The following DOCK3 variants were observed in gnomAD, a reference collection of about 807,000 sequenced individuals.
DOCK3 encodes the protein dedicator of cytokinesis 3, also known as dedicator of cytokinesis protein 3.
A neutral mutation model predicts 265.6 loss-of-function variants in DOCK3; 60 were observed. The ratio of observed to expected loss-of-function variants is 0.23; its 90% CI spans 0.18 to 0.28. DOCK3 has a LOEUF of 0.28. Ranked by LOEUF, DOCK3 falls within the 10% of genes least tolerant of loss-of-function variation. The pLI, the probability that DOCK3 is intolerant of heterozygous loss-of-function variation, is 1.00. For synonymous variants in DOCK3, 881 were observed against 938.0 expected (o/e 0.94, Z 1.11); for missense variants, 1,981 against 2,594.3 (o/e 0.76, Z 5.14).
At chr3:50,724,991 CAAAAA>C (rs34882214) in intron 1 of DOCK3, among the ~76,000 whole-genome samples, 1 of 139,780 alleles carries the variant, frequency 7.2e-6, no homozygotes. Flanking sequence ...GATTCTGTCT[CAAAAA>C]AAAAAAAAAA....
At chr3:51,138,169 A>C (rs574404217) in intron 9 of DOCK3, among the ~76,000 whole-genome samples, 1 of 152,224 alleles carries the variant, frequency 6.6e-6, no homozygotes, top group Non-Finnish European at 1.5e-5. Flanking sequence ...GTTCAATACA[A>C]TATTTCCCAA....
chr3:50,742,364 G>C (rs1360011804), intron 1 of DOCK3, among the ~76,000 whole-genome samples: 1 of 152,208 alleles, frequency 6.6e-6, no homozygotes, highest in Non-Finnish European at 1.5e-5. Context: ...TTGACGAGTT[G>C]AGAGAAGAAG....
At chr3:51,081,644 C>G (rs1049708498) in intron 7 of DOCK3, among the ~76,000 whole-genome samples, 1 of 151,954 alleles carries the variant, frequency 6.6e-6, no homozygotes, top group Non-Finnish European at 1.5e-5. Context: ...GCCTGTAATC[C>G]CAGCACTTTG....
rs1358409183 is a variant in DOCK3 at position 51,357,056 on chromosome 3, T to A, written c.4598T>A (p.Val1533Glu). The change falls in exon 44 of 53, where the codon GTG becomes GAG. Residue 1533 changes from valine to glutamate, a missense_variant. Val to Glu is a moderately radical substitution (Grantham distance 121). Coordinates refer to ENST00000266037, the MANE Select transcript of DOCK3 (RefSeq NM_004947.5). ...ATCAGCCAGTATCAACACAAGCAGG[T>A]GCATGGCAACATTAACCTGCTAAGC... ...SLISQYQHKQ[V>E]HGNINLLSMC... is the part of the protein sequence containing the mutation. The A allele has an allele frequency of 1.2e-6, 2 of 1,613,302 alleles. No homozygotes were observed. Among genetic ancestry groups the A allele is most frequent in the South Asian group, 1.1e-5 (1 of 91,042 alleles).
At chr3:51,068,809 T>G (rs1482726916) in intron 6 of DOCK3, among the ~76,000 whole-genome samples, 1 of 152,142 alleles carries the variant, frequency 6.6e-6, no homozygotes, top group Non-Finnish European at 1.5e-5. Context: ...ATTTGATCTT[T>G]GTTCTGTTCT....
chr3:51,258,353 G>A (rs371306156), intron 22 of DOCK3, among the ~76,000 whole-genome samples: 4 of 152,094 alleles, frequency 2.6e-5, no homozygotes, highest in African/African-American at 4.8e-5. Context: ...CGTAATTGCC[G>A]ATCCTTCCTG....
intron 3 of DOCK3, among the ~76,000 whole-genome samples, chr3:50,857,444 A>G (rs1417326278): frequency 2.6e-5 from 4 of 152,134 alleles, no homozygotes; most frequent in Non-Finnish European, 5.9e-5. Flanking sequence ...GTTTGTGCAC[A>G]GAAACTAAAG....
intron 12 of DOCK3, among the ~76,000 whole-genome samples, chr3:51,181,514 T>C (rs1031611067): frequency 6.6e-6 from 1 of 152,026 alleles, no homozygotes; most frequent in Admixed American, 6.6e-5. Context: ...ATATGAGAAA[T>C]AGTTGAAATT....
intron 2 of DOCK3, among the ~76,000 whole-genome samples, chr3:50,810,933 G>C (rs545678132): frequency 1.3e-5 from 2 of 152,256 alleles, no homozygotes; most frequent in African/African-American, 4.8e-5. Flanking sequence ...TCATTGTACT[G>C]TATGTTCATG....
At chr3:51,122,347 G>T (rs1402203001) in intron 9 of DOCK3, among the ~76,000 whole-genome samples, 2 of 152,160 alleles carry the variant, frequency 1.3e-5, no homozygotes, top group Admixed American at 1.3e-4. Context: ...AGGTATGGTG[G>T]TGTGCACCTG....
chr3:50,936,683 T>G (rs2051381359), intron 5 of DOCK3, among the ~76,000 whole-genome samples: 1 of 152,108 alleles, frequency 6.6e-6, no homozygotes, highest in Non-Finnish European at 1.5e-5. Flanking sequence ...ACAAAACAGA[T>G]TACCCTGAAT....
intron 19 of DOCK3, among the ~76,000 whole-genome samples, chr3:51,233,660 C>T (rs1018852752): frequency 1.3e-5 from 2 of 152,164 alleles, no homozygotes; most frequent in African/African-American, 2.4e-5. Context: ...TGAGCCACCA[C>T]GCCCATCCTC....
intron 1 of DOCK3, among the ~76,000 whole-genome samples, chr3:50,725,139 A>G (rs1272303155): frequency 6.6e-6 from 1 of 152,234 alleles, no homozygotes; most frequent in East Asian, 1.9e-4. Flanking sequence ...CAGAGATAAA[A>G]GGCATCTTAT....
intron 7 of DOCK3, among the ~76,000 whole-genome samples, chr3:51,082,956 G>A (rs1290951530): frequency 6.6e-6 from 1 of 152,114 alleles, no homozygotes; most frequent in Non-Finnish European, 1.5e-5. Context: ...TACTGCCATT[G>A]CCAGTGCCAT....
At chr3:50,819,109 T>C (rs1389107685) in intron 2 of DOCK3, among the ~76,000 whole-genome samples, 1 of 152,242 alleles carries the variant, frequency 6.6e-6, no homozygotes, top group Non-Finnish European at 1.5e-5. Flanking sequence ...TATAGCTCCC[T>C]GAAGCCATCT....
At chr3:50,871,809 G>C (rs944762477) in intron 3 of DOCK3, among the ~76,000 whole-genome samples, 9 of 152,198 alleles carry the variant, frequency 5.9e-5, no homozygotes, top group African/African-American at 1.9e-4. Context: ...AGTCATTCTT[G>C]ATTCAACAGA....
At chr3:50,883,721 A>G (rs1329707645) in intron 3 of DOCK3, among the ~76,000 whole-genome samples, 1 of 152,106 alleles carries the variant, frequency 6.6e-6, no homozygotes, top group Admixed American at 6.6e-5. Flanking sequence ...TATTTTAAAT[A>G]TTTTATACTT....
At chr3:50,887,109 C>T (rs1213341808) in intron 3 of DOCK3, among the ~76,000 whole-genome samples, 1 of 151,940 alleles carries the variant, frequency 6.6e-6, no homozygotes, top group Non-Finnish European at 1.5e-5. Context: ...AATTGATAGA[C>T]TGCTAGCAAG....
intron 32 of DOCK3, among the ~76,000 whole-genome samples, chr3:51,324,380 C>T (rs1334257720): frequency 2.0e-5 from 3 of 152,068 alleles, no homozygotes; most frequent in South Asian, 2.1e-4. Context: ...TGAAGGACCC[C>T]GTCAAGGAGA....
Sources: allele counts gnomAD v4.1 joint callset (sites outside exome capture counted in the v4.1 genomes callset), GRCh38; gene constraint gnomAD v4.1.1; transcripts MANE v1.5; gene names NCBI Gene and HGNC (gene_info 2026-07-23, HGNC 2026-07-21).